SLC2A12: variants seen among roughly 807,000 people sequenced by gnomAD.
SLC2A12 encodes the protein solute carrier family 2, facilitated glucose transporter member 12.
A neutral mutation model predicts 41.8 loss-of-function variants in SLC2A12; 23 were observed. That is an observed-to-expected ratio of 0.55 (90% CI 0.40 to 0.78). SLC2A12 has a LOEUF of 0.78. Among genes scored for constraint, SLC2A12 ranks in the 30% least tolerant of loss-of-function variants. The pLI is 0.00. For synonymous variants in SLC2A12, 295 were observed against 285.9 expected, an observed-to-expected ratio of 1.03 and a Z score of -0.32; for missense variants, 654 against 745.6, an observed-to-expected ratio of 0.88 and a Z score of 1.43.
rs1477943414 is a variant in SLC2A12, at chr6:134,015,755, G to C, written c.1445-8821C>G. On this transcript the variant is annotated intron_variant, in intron 2 of 4. Transcript: ENST00000275230. The stretch of plus-strand genomic sequence containing the variant: ...AGTAGGTCTTGAAATGAAGCCACTA[G>C]GTAAACTTCCAAATTAGAACCTGCT... Among the ~76,000 whole-genome samples the C allele has an allele frequency of 6.6e-5, 10 of 152,276 alleles. No homozygotes were observed. In the East Asian group the frequency reaches 1.9e-3, roughly 29 times the overall value.
At chr6:134,006,199 A>C (rs906291764) in intron 3 of SLC2A12, among the ~76,000 whole-genome samples, 2 of 151,356 alleles carry the variant, frequency 1.3e-5, no homozygotes, top group South Asian at 2.1e-4. Context: ...AAAACAAAAA[A>C]AAAAACAGAG....
chr6:134,033,205 C>T (rs1450047475), intron 1 of SLC2A12, among the ~76,000 whole-genome samples: 2 of 151,962 alleles, frequency 1.3e-5, no homozygotes, highest in African/African-American at 4.8e-5. Flanking sequence ...CATTGTGTTC[C>T]AAGTATAATG....
At position 134,052,482 on chromosome 6, in the gene SLC2A12, G is replaced by A; in HGVS notation, c.-2C>T. ...CTCGGTGTTTTCAACAGGTACCATGGTCACGTAGAAGTTACAGCCGCTTCC... is the reference window on the plus strand; with the variant it reads ...CTCGGTGTTTTCAACAGGTACCATGATCACGTAGAAGTTACAGCCGCTTCC... On this transcript the variant is annotated 5_prime_UTR_variant, in exon 1 of 5. Coordinates refer to ENST00000275230, the MANE Select transcript of SLC2A12 (RefSeq NM_145176.3). 6.2e-7 allele frequency: 1 copy of A among 1,612,440 alleles called. No homozygotes were observed. The highest frequency in any genetic ancestry group is 8.5e-7 in the Non-Finnish European group (1 of 1,179,660).
chr6:133,990,363 T>A lies in SLC2A12; in HGVS notation c.*792A>T, dbSNP rs1415255494. The stretch of plus-strand genomic sequence containing the variant: ...TTAGAGATTTGGATAAATAACCTAA[T>A]GGCCTGACTCCTTTTCTAATGTTTT... On this transcript the variant is annotated 3_prime_UTR_variant, in exon 5 of 5. Coordinates refer to ENST00000275230, the MANE Select transcript of SLC2A12 (RefSeq NM_145176.3). 1.3e-5 allele frequency: 2 copies of A among 152,626 alleles called. No homozygotes were observed. The highest frequency in any genetic ancestry group is 2.9e-5 in the Non-Finnish European group (2 of 68,036). The allele number at this position is 152,626 out of a possible 1,614,324, so 9.5% of individuals were successfully genotyped here.
Position 134,028,993 on chromosome 6 carries a change from G to C in SLC2A12, c.832C>G (p.Arg278Gly). The C allele has an allele frequency of 6.2e-7, 1 of 1,614,116 alleles. No homozygotes were observed. Among genetic ancestry groups the C allele is most frequent in the Non-Finnish European group, 8.5e-7 (1 of 1,180,006 alleles). Residue 278 changes from arginine (R) to glycine (G), a missense_variant, in exon 2 of 5, where the codon CGA becomes GGA. Transcript: ENST00000275230. ...LFRSKDNMRT[R>G]IMIGLTLVFF... The stretch of plus-strand genomic sequence containing the variant: ...ACTAGTGTTAGTCCTATCATTATTC[G>C]GGTCCGCATGTTGTCTTTTGAACGA...
intron 4 of SLC2A12, among the ~76,000 whole-genome samples, chr6:133,996,705 TAACTC>T (rs1776691526): frequency 6.6e-6 from 1 of 152,222 alleles, no homozygotes; most frequent in African/African-American, 2.4e-5. Flanking sequence ...AAGGCTCTCT[TAACTC>T]AGCAGTGTCC....
intron 4 of SLC2A12, among the ~76,000 whole-genome samples, chr6:133,995,153 C>G (rs1311144947): frequency 6.6e-6 from 1 of 152,102 alleles, no homozygotes; most frequent in Admixed American, 6.5e-5. Flanking sequence ...ATACATAGTA[C>G]CCAAGAAATA....
intron 1 of SLC2A12, among the ~76,000 whole-genome samples, chr6:134,041,912 G>A (rs903934170): frequency 5.9e-5 from 9 of 152,150 alleles, no homozygotes; most frequent in African/African-American, 2.2e-4. Context: ...GGAAGGGGAT[G>A]CTCAATGTGT....
At position 134,029,467 on chromosome 6, in the gene SLC2A12, C is replaced by T. The variant is rs763916905; in HGVS notation, c.358G>A (p.Gly120Arg). 6 of 1,613,932 alleles carry T rather than the reference C, an allele frequency of 3.7e-6. No individual in the cohort carries two copies. Among genetic ancestry groups the T allele is most frequent in the South Asian group, 2.2e-5 (2 of 91,084 alleles). ...AAACTGAGGATCAAGACTAAGCTTC[C>T]GAGTCCAAGCAGGCAGGATGACAAG... ...IILSSCLLGL[G>R]SLVLILSLSY... Residue 120 changes from glycine to arginine, a missense_variant, in exon 2 of 5, where the codon GGA becomes AGA. Gly to Arg is a moderately radical substitution (Grantham distance 125, BLOSUM62 -2). Transcript: ENST00000275230.
Position 133,990,225 on chromosome 6 carries a change from A to G in SLC2A12, c.*930T>C, listed in dbSNP as rs761653156. 1 of 152,628 alleles carries G rather than the reference A, an allele frequency of 6.6e-6. No homozygotes were observed. Among genetic ancestry groups the G allele is most frequent in the Non-Finnish European group, 1.5e-5 (1 of 68,040 alleles). The allele number at this position is 152,628 out of a possible 1,614,324, so 9.5% of individuals were successfully genotyped here. ...CTGTGTACCGTAACCTGAGGTAGTGATATTCCTGAGGAGTGTGAAGAATTG... is the reference window on the plus strand; with the variant it reads ...CTGTGTACCGTAACCTGAGGTAGTGGTATTCCTGAGGAGTGTGAAGAATTG... On this transcript the variant is annotated 3_prime_UTR_variant, in exon 5 of 5. Coordinates refer to ENST00000275230, the MANE Select transcript of SLC2A12 (RefSeq NM_145176.3).
chr6:134,006,988 G>T, intron 2 of SLC2A12, 54 bp from the exon 3 acceptor site: 2 of 1,606,602 alleles, frequency 1.2e-6, no homozygotes, highest in Non-Finnish European at 1.7e-6. Flanking sequence ...AAAACCCATT[G>T]AATCTGAGTG....
chr6:134,005,115 A>G (rs1425540891), intron 3 of SLC2A12, among the ~76,000 whole-genome samples: 1 of 152,212 alleles, frequency 6.6e-6, no homozygotes, highest in Non-Finnish European at 1.5e-5. Flanking sequence ...GGAGCTAGGA[A>G]AACAAGGCGA....
At position 133,989,115 on chromosome 6, in the gene SLC2A12, A is replaced by T. The variant is rs1475158920; in HGVS notation, c.*2040T>A. The T allele has an allele frequency of 6.6e-6, 1 of 152,192 alleles. No individual in the cohort carries two copies. The highest frequency in any genetic ancestry group is 6.5e-5 in the Admixed American group (1 of 15,270). The allele number at this position is 152,192 out of a possible 1,614,324, so 9.4% of individuals were successfully genotyped here. ...CCTCACCTAACAGTGTCCATGGGTA[A>T]TTCGCTAACCTTAACAAAGATGGGA... is the stretch of plus-strand genomic sequence containing the variant. On this transcript the variant is annotated 3_prime_UTR_variant, in exon 5 of 5. Transcript: ENST00000275230.
At chr6:134,017,163 C>A (rs9373077) in intron 2 of SLC2A12, among the ~76,000 whole-genome samples, 20,672 of 152,054 alleles carry the variant, frequency 0.14, 1,562 homozygotes, top group East Asian at 0.19. Flanking sequence ...TTTTAAATGG[C>A]CTTCATTTTA....
chr6:134,040,310 C>T (rs756151900), intron 1 of SLC2A12, among the ~76,000 whole-genome samples: 1 of 152,020 alleles, frequency 6.6e-6, no homozygotes, highest in Non-Finnish European at 1.5e-5. Flanking sequence ...AACTTCGGAG[C>T]TCAAGTGATC....
Position 133,988,522 on chromosome 6 carries a change from A to AT in SLC2A12, c.*2632dup, listed in dbSNP as rs1471411464. ...AAAATTGCAACATCCTAATCTCCAT[A>AT]TATAGTACATTTTCCTTACTGTATT... On this transcript the variant is annotated 3_prime_UTR_variant, in exon 5 of 5. Transcript: ENST00000275230. 5 of 152,224 alleles carry AT rather than the reference A, an allele frequency of 3.3e-5. No individual in the cohort carries two copies. Among genetic ancestry groups the AT allele is most frequent in the African/African-American group, 9.6e-5 (4 of 41,468 alleles). 9.4% of individuals were successfully genotyped at this position (152,224 alleles called of 1,614,324 possible).
intron 4 of SLC2A12, among the ~76,000 whole-genome samples, chr6:133,994,692 C>T (rs763364825): frequency 2.0e-5 from 3 of 152,156 alleles, no homozygotes; most frequent in Admixed American, 1.3e-4. Flanking sequence ...GGCACTCCAA[C>T]CTGGGCGACA....
intron 4 of SLC2A12, among the ~76,000 whole-genome samples, chr6:133,994,578 A>G (rs1233856061): frequency 1.3e-5 from 2 of 152,132 alleles, no homozygotes; most frequent in Admixed American, 1.3e-4. Flanking sequence ...ATACAAAAAA[A>G]TTAGCCAGGC....
At chr6:134,005,407 C>T (rs752248458) in intron 3 of SLC2A12, among the ~76,000 whole-genome samples, 2 of 152,036 alleles carry the variant, frequency 1.3e-5, no homozygotes, top group African/African-American at 2.4e-5. Flanking sequence ...GCCTGTAATC[C>T]CAGCACTTCG....
Sources: allele counts gnomAD v4.1 joint callset (sites outside exome capture counted in the v4.1 genomes callset), GRCh38; gene constraint gnomAD v4.1.1; transcripts MANE v1.5; gene names NCBI Gene and HGNC (gene_info 2026-07-23, HGNC 2026-07-21).